Variants in IQCM observed in about 807,000 individuals in gnomAD.
IQCM encodes the protein IQ domain-containing protein M.
Under a neutral mutation model 57.6 loss-of-function variants are expected in IQCM, and 45 were observed. That is an observed-to-expected ratio of 0.78 (90% CI 0.62 to 1.00). The LOEUF is 1.00. Ranked by LOEUF, IQCM falls within the 50% of genes least tolerant of loss-of-function variation. IQCM has a pLI of 0.00. For synonymous variants in IQCM, 148 were observed against 158.9 expected (o/e 0.93, Z 0.51); for missense variants, 468 against 511.6 (o/e 0.91, Z 0.82).
chr4:149,757,244 C>T lies in IQCM; in HGVS notation c.-48-14505G>A, dbSNP rs145058007. Among the ~76,000 whole-genome samples, 1,099 of 148,620 alleles carry T rather than the reference C, an allele frequency of 7.4e-3. 12 individuals are homozygous for T. Among genetic ancestry groups the T allele is most frequent in the African/African-American group, 0.025 (1,014 of 40,454 alleles). On this transcript the variant is annotated intron_variant, in intron 2 of 13. Coordinates refer to ENST00000636793, the MANE Select transcript of IQCM (RefSeq NM_001363507.2). ...CTGCACTCCAGCCCGGGCAACAAAGCGAGACTCGTCTCAAAAAAAAATAAG... is the reference window on the plus strand; with the variant it reads ...CTGCACTCCAGCCCGGGCAACAAAGTGAGACTCGTCTCAAAAAAAAATAAG...
chr4:149,685,240 C>G (rs1314874786), intron 6 of IQCM, among the ~76,000 whole-genome samples: 1 of 151,454 alleles, frequency 6.6e-6, no homozygotes, highest in East Asian at 1.9e-4. Context: ...TTAGTAAAAG[C>G]TGACTTGAAA....
At chr4:149,489,610 G>A (rs1365837138) in intron 12 of IQCM, among the ~76,000 whole-genome samples, 3 of 151,948 alleles carry the variant, frequency 2.0e-5, no homozygotes, top group Non-Finnish European at 4.4e-5. Context: ...AACACCATTA[G>A]CATAATGGCT....
chr4:149,387,191 T>C (rs1482307564), intron 13 of IQCM, among the ~76,000 whole-genome samples: 1 of 152,034 alleles, frequency 6.6e-6, no homozygotes, highest in African/African-American at 2.4e-5. Context: ...GATTCATAGA[T>C]GACACCTTCT....
chr4:149,369,560 T>C (rs995181521), intron 13 of IQCM, among the ~76,000 whole-genome samples: 1 of 152,214 alleles, frequency 6.6e-6, no homozygotes, highest in East Asian at 1.9e-4. Flanking sequence ...AGCATTACTA[T>C]GATGATCTAC....
intron 8 of IQCM, among the ~76,000 whole-genome samples, chr4:149,606,385 G>A (rs1375376079): frequency 1.3e-5 from 2 of 152,118 alleles, no homozygotes; most frequent in Non-Finnish European, 2.9e-5. Context: ...CACAGCCTTA[G>A]GTCACAACAC....
chr4:149,392,564 C>T (rs1435259436), intron 13 of IQCM, among the ~76,000 whole-genome samples: 1 of 151,710 alleles, frequency 6.6e-6, no homozygotes, highest in Non-Finnish European at 1.5e-5. Flanking sequence ...ATATACATAA[C>T]CTAAGTTTTT....
chr4:149,391,945 T>TC (rs2111088843), intron 13 of IQCM, among the ~76,000 whole-genome samples: 1 of 152,100 alleles, frequency 6.6e-6, no homozygotes, highest in East Asian at 1.9e-4. Context: ...GTATGTGTAT[T>TC]CTGCTGCTGT....
intron 8 of IQCM, among the ~76,000 whole-genome samples, chr4:149,601,701 T>C (rs937614852): frequency 2.0e-5 from 3 of 152,194 alleles, no homozygotes; most frequent in South Asian, 2.1e-4. Context: ...TATGTTTTAG[T>C]ACATTACAGT....
intron 12 of IQCM, among the ~76,000 whole-genome samples, chr4:149,513,716 A>AGAG (rs1211790755): frequency 6.6e-6 from 1 of 152,180 alleles, no homozygotes; most frequent in Non-Finnish European, 1.5e-5. Context: ...AATGAATGTT[A>AGAG]CCATCATGGC....
chr4:149,595,508 TAAAC>T (rs1427020655), intron 8 of IQCM, among the ~76,000 whole-genome samples: 8 of 152,160 alleles, frequency 5.3e-5, no homozygotes, highest in African/African-American at 1.9e-4. Flanking sequence ...ACATGTGAAG[TAAAC>T]TGAAGAGTTT....
At chr4:149,606,219 C>A (rs1754764470) in intron 8 of IQCM, among the ~76,000 whole-genome samples, 1 of 152,164 alleles carries the variant, frequency 6.6e-6, no homozygotes, top group Non-Finnish European at 1.5e-5. Context: ...ACCCCTCCCC[C>A]AGCTCCAGGC....
chr4:149,521,575 G>A (rs1745649770), intron 12 of IQCM, among the ~76,000 whole-genome samples: 1 of 152,162 alleles, frequency 6.6e-6, no homozygotes, highest in African/African-American at 2.4e-5. Flanking sequence ...ATTCAGTTGA[G>A]GAGTCTTGAA....
At chr4:149,503,495 A>G (rs1257230357) in intron 12 of IQCM, among the ~76,000 whole-genome samples, 1 of 152,162 alleles carries the variant, frequency 6.6e-6, no homozygotes, top group Non-Finnish European at 1.5e-5. Flanking sequence ...AAATAATAAA[A>G]TTAAATGACA....
intron 13 of IQCM, among the ~76,000 whole-genome samples, chr4:149,405,023 CCA>C (rs2111147593): frequency 6.6e-6 from 1 of 152,050 alleles, no homozygotes; most frequent in East Asian, 1.9e-4. Context: ...TAAAACTGTT[CCA>C]CCTTGAAACA....
At chr4:149,536,090 A>G (rs1407610189) in intron 12 of IQCM, among the ~76,000 whole-genome samples, 1 of 152,042 alleles carries the variant, frequency 6.6e-6, no homozygotes, top group Non-Finnish European at 1.5e-5. Context: ...TTGCCCTTAG[A>G]GTTTGGTTTC....
chr4:149,499,700 C>T (rs895656705), intron 12 of IQCM, among the ~76,000 whole-genome samples: 12 of 151,844 alleles, frequency 7.9e-5, no homozygotes, highest in Non-Finnish European at 1.5e-4. Context: ...GAAAAAAATC[C>T]AAACCTTATA....
At chr4:149,730,942 G>A (rs1467976315) in intron 5 of IQCM, among the ~76,000 whole-genome samples, 1 of 152,126 alleles carries the variant, frequency 6.6e-6, no homozygotes, top group East Asian at 1.9e-4. Context: ...ATTTCAGTAC[G>A]GTAGTGATCC....
At chr4:149,574,844 C>A (rs1359663561) in intron 9 of IQCM, among the ~76,000 whole-genome samples, 1 of 151,890 alleles carries the variant, frequency 6.6e-6, no homozygotes, top group African/African-American at 2.4e-5. Context: ...ATTAAGGATA[C>A]TTATTTCGGC....
chr4:149,494,780 T>G (rs1212132281), intron 12 of IQCM, among the ~76,000 whole-genome samples: 4 of 151,870 alleles, frequency 2.6e-5, no homozygotes, highest in African/African-American at 9.7e-5. Flanking sequence ...GTTTAGAAAT[T>G]TTGGTGGATC....
Sources: allele counts gnomAD v4.1 joint callset (sites outside exome capture counted in the v4.1 genomes callset), GRCh38; gene constraint gnomAD v4.1.1; transcripts MANE v1.5; gene names NCBI Gene and HGNC (gene_info 2026-07-23, HGNC 2026-07-21).